The following MINDY4 variants were observed in gnomAD, a reference collection of about 807,000 sequenced individuals.
MINDY4 encodes MINDY lysine 48 deubiquitinase 4.
A neutral mutation model predicts 87.0 loss-of-function variants in MINDY4; 68 were observed. The observed-to-expected ratio is 0.78, with a 90% confidence interval of 0.64 to 0.96. MINDY4 has a LOEUF of 0.96. MINDY4 is among the 40% of genes least tolerant of loss of function. The pLI, the probability that MINDY4 is intolerant of heterozygous loss-of-function variation, is 0.00. For missense variants in MINDY4, 919 were observed against 928.2 expected, an observed-to-expected ratio of 0.99 and a Z score of 0.13; for synonymous variants, 379 against 363.2, an observed-to-expected ratio of 1.04 and a Z score of -0.50.
intron 9 of MINDY4, among the ~76,000 whole-genome samples, chr7:30,848,278 C>T (rs959248804): frequency 6.6e-6 from 1 of 152,188 alleles, no homozygotes; most frequent in African/African-American, 2.4e-5. Context: ...CCACCCCCAC[C>T]CCATGTGTAT....
intron 9 of MINDY4, among the ~76,000 whole-genome samples, chr7:30,846,105 C>T (rs1044225660): frequency 2.6e-5 from 4 of 152,132 alleles, no homozygotes; most frequent in Admixed American, 6.5e-5. Context: ...TTGGGGAATT[C>T]GAGGCCCAGA....
chr7:30,880,510 T>C (rs1000616044), intron 15 of MINDY4, among the ~76,000 whole-genome samples: 4 of 152,104 alleles, frequency 2.6e-5, no homozygotes, highest in South Asian at 2.1e-4. Flanking sequence ...TGTCTCTCCG[T>C]TGGAAAATTC....
intron 13 of MINDY4, among the ~76,000 whole-genome samples, chr7:30,861,575 G>C (rs2128574818): frequency 1.3e-5 from 2 of 152,318 alleles, no homozygotes; most frequent in Admixed American, 1.3e-4. Flanking sequence ...AAAGTTGGTT[G>C]GTTTTAGGCC....
chr7:30,845,570 C>T (rs1005098767), intron 9 of MINDY4, among the ~76,000 whole-genome samples: 93 of 151,802 alleles, frequency 6.1e-4, no homozygotes, highest in African/African-American at 2.1e-3. Flanking sequence ...AGGAACACCA[C>T]GATGACCTGC....
intron 17 of MINDY4, among the ~76,000 whole-genome samples, chr7:30,888,942 A>C (rs1359266483): frequency 1.3e-5 from 2 of 152,174 alleles, no homozygotes. Flanking sequence ...CCTGCACTGA[A>C]GCAGCTTGCC....
chr7:30,828,295 G>A (rs1024148741), intron 5 of MINDY4, among the ~76,000 whole-genome samples: 1 of 151,422 alleles, frequency 6.6e-6, no homozygotes, highest in African/African-American at 2.4e-5. Context: ...ACAAATTCTG[G>A]GCAATGATGA....
intron 5 of MINDY4, among the ~76,000 whole-genome samples, chr7:30,792,539 CTT>C (rs1013329248): frequency 6.6e-6 from 1 of 152,162 alleles, no homozygotes; most frequent in African/African-American, 2.4e-5. Flanking sequence ...CAATTAAAAA[CTT>C]TTTAATTCAA....
Position 30,839,022 on chromosome 7 carries a change from C to A in MINDY4, c.1240-178C>A, listed in dbSNP as rs549532782. 2.6e-5 allele frequency among the ~76,000 whole-genome samples: 4 copies of A among 152,270 alleles called. No individual in the cohort carries two copies. The East Asian group carries it at 7.7e-4, about 29-fold the overall frequency. Reference sequence around the variant, plus strand: ...GTAAGACCCTCATTATTGAGTTTCTCTTTCATCAAATATAAGAAGAATGAG... The same window carrying A: ...GTAAGACCCTCATTATTGAGTTTCTATTTCATCAAATATAAGAAGAATGAG... On this transcript the variant is annotated intron_variant, in intron 7 of 17. Coordinates refer to ENST00000265299, the MANE Select transcript of MINDY4 (RefSeq NM_032222.3).
chr7:30,838,049 G>C (rs1190197784), intron 7 of MINDY4, among the ~76,000 whole-genome samples: 1 of 152,242 alleles, frequency 6.6e-6, no homozygotes, highest in Non-Finnish European at 1.5e-5. Flanking sequence ...GTACAGGGAA[G>C]TGGCTGTAGA....
At chr7:30,836,043 G>A (rs73689311) in intron 6 of MINDY4, among the ~76,000 whole-genome samples, 1,794 of 152,248 alleles carry the variant, frequency 0.012, 37 homozygotes, top group African/African-American at 0.041. Flanking sequence ...TTGATTTGGG[G>A]CCAGTTACTT....
chr7:30,878,042 CAGTT>C (rs1052008593), intron 15 of MINDY4, among the ~76,000 whole-genome samples: 1 of 151,842 alleles, frequency 6.6e-6, no homozygotes, highest in Non-Finnish European at 1.5e-5. Flanking sequence ...GGGCCCTACA[CAGTT>C]AGCCACATTG....
In MINDY4 at chr7:30,778,693, C is replaced by T. The variant is rs932054966; in HGVS notation, c.183+142C>T. The T allele has an allele frequency of 6.3e-6, 6 of 953,172 alleles. No homozygotes were observed. The African/African-American group carries it at 8.2e-5, about 13-fold the overall frequency. 59.0% of individuals were successfully genotyped at this position (953,172 alleles called of 1,614,324 possible). A position where few individuals can be genotyped will look rare whatever the true frequency, so the allele number is the denominator to read the frequency against. ...TGCGGTCAGAGAGAAACGGACCCCC[C>T]AAATGTGGACAGATCCCCAGCGGGA... is the stretch of plus-strand genomic sequence containing the variant. On this transcript the variant is annotated intron_variant, in intron 2 of 17. Coordinates refer to ENST00000265299, the MANE Select transcript of MINDY4 (RefSeq NM_032222.3).
chr7:30,791,267 CA>C lies in MINDY4; in HGVS notation c.768del (p.Gln256HisfsTer23). On this transcript the variant is annotated frameshift_variant, in exon 5 of 18. Coordinates refer to ENST00000265299, the MANE Select transcript of MINDY4 (RefSeq NM_032222.3). LOFTEE classifies it high-confidence loss of function. ...GGTCCCTGAGCTCTTTGTCTGCACC[CA>C]ACAGGACATTCTGGCTTCGAGCAAC... The part of the protein sequence containing the change: ...RKVPELFVCT[Q>X]QDILASSNSS... 3.1e-6 allele frequency: 5 copies of C among 1,614,172 alleles called. No homozygotes were observed. Among genetic ancestry groups the C allele is most frequent in the Non-Finnish European group, 4.2e-6 (5 of 1,180,028 alleles).
chr7:30,825,328 C>T (rs1260778279), intron 5 of MINDY4, among the ~76,000 whole-genome samples: 4 of 152,146 alleles, frequency 2.6e-5, no homozygotes, highest in Admixed American at 6.5e-5. Flanking sequence ...TATGGGAACC[C>T]GGCACAAAGC....
intron 13 of MINDY4, among the ~76,000 whole-genome samples, chr7:30,866,721 G>A (rs150465273): frequency 1.8e-3 from 272 of 152,324 alleles, no homozygotes; most frequent in Non-Finnish European, 3.0e-3. Flanking sequence ...AAAGGCCACT[G>A]GTGGGGGTTT....
intron 6 of MINDY4, among the ~76,000 whole-genome samples, chr7:30,829,537 C>G (rs1788632659): frequency 6.6e-6 from 1 of 152,230 alleles, no homozygotes; most frequent in South Asian, 2.1e-4. Context: ...AGGAAGAAAG[C>G]AGTGCCCCTA....
intron 5 of MINDY4, among the ~76,000 whole-genome samples, chr7:30,806,624 A>G (rs1364980107): frequency 6.6e-6 from 1 of 152,280 alleles, no homozygotes; most frequent in African/African-American, 2.4e-5. Flanking sequence ...AGCCATGGCC[A>G]GGGCTCCTGT....
At chr7:30,859,141 T>C in intron 12 of MINDY4, 116 bp from the exon 13 acceptor site, 1 of 980,100 alleles carries the variant, frequency 1.0e-6, no homozygotes. Flanking sequence ...AGGGCTGGGC[T>C]GGAGGCAGTT....
At chr7:30,886,182 C>G (rs1352178878) in intron 17 of MINDY4, among the ~76,000 whole-genome samples, 1 of 152,182 alleles carries the variant, frequency 6.6e-6, no homozygotes, top group Admixed American at 6.5e-5. Flanking sequence ...TCTTGTCCAT[C>G]TTGCTCGGTA....
Sources: allele counts gnomAD v4.1 joint callset (sites outside exome capture counted in the v4.1 genomes callset), GRCh38; gene constraint gnomAD v4.1.1; transcripts MANE v1.5; gene names NCBI Gene and HGNC (gene_info 2026-07-23, HGNC 2026-07-21).